ARHGAP5: variants seen among roughly 807,000 people sequenced by gnomAD.
The protein encoded by ARHGAP5 is rho GTPase-activating protein 5.
In ARHGAP5, 23 loss-of-function variants were observed where a neutral mutation model predicts 116.6. The observed-to-expected ratio is 0.20, with a 90% confidence interval of 0.14 to 0.28. The LOEUF is 0.28. Ranked by LOEUF, ARHGAP5 falls within the 10% of genes least tolerant of loss-of-function variation. The pLI is 1.00. For missense variants in ARHGAP5, 1,405 were observed against 1,774.8 expected (o/e 0.79, Z 3.74); for synonymous variants, 574 against 602.0 (o/e 0.95, Z 0.68).
At position 32,094,362 on chromosome 14, in the gene ARHGAP5, C is replaced by G; in HGVS notation, c.3693C>G (p.Thr1231=). The change falls in exon 2 of 7, where the codon ACC becomes ACG. Residue 1231 remains threonine, a synonymous_variant. Transcript: ENST00000345122. ...ELDDKKMKKK[T]HKVKEDKKQK... ...ATGATAAGAAGATGAAGAAGAAAAC[C>G]CACAAAGTGAAAGAAGATAAAAAGG... is the stretch of plus-strand genomic sequence containing the variant. The G allele has an allele frequency of 1.9e-6, 3 of 1,577,382 alleles. No individual in the cohort carries two copies. The South Asian group carries it at 3.6e-5, about 19-fold the overall frequency.
intron 3 of ARHGAP5, among the ~76,000 whole-genome samples, chr14:32,122,413 A>C (rs184619945): frequency 6.6e-6 from 1 of 152,132 alleles, no homozygotes; most frequent in Non-Finnish European, 1.5e-5. Flanking sequence ...TTTGGATACA[A>C]ATTGTTTTCA....
chr14:32,092,162 C>T lies in ARHGAP5; in HGVS notation c.1493C>T (p.Ser498Phe), dbSNP rs1379687400. The T allele has an allele frequency of 6.2e-7, 1 of 1,613,526 alleles. No homozygotes were observed. The highest frequency in any genetic ancestry group is 8.5e-7 in the Non-Finnish European group (1 of 1,179,756). Residue 498 changes from serine (S) to phenylalanine (F), a missense_variant, in exon 2 of 7, where the codon TCT becomes TTT. By Grantham distance (155) the Ser-to-Phe change is radical. Transcript: ENST00000345122. This position sits in a 1 kb window ranked among gnomAD's most constrained non-coding sequence, Gnocchi z 4.1. Reference sequence around the variant, plus strand: ...TTTCAAGAAATGCTTTTTGAGCATTCTGAACTTTTTTATGATTTAGATCTT... The same window carrying T: ...TTTCAAGAAATGCTTTTTGAGCATTTTGAACTTTTTTATGATTTAGATCTT... ...EEFQEMLFEH[S>F]ELFYDLDLNA...
Position 32,157,242 on chromosome 14 carries a change from T to A in ARHGAP5, c.*2294T>A, listed in dbSNP as rs1881931029. 1 of 152,230 alleles carries A rather than the reference T, an allele frequency of 6.6e-6. No individual in the cohort carries two copies. 9.4% of individuals were successfully genotyped at this position (152,230 alleles called of 1,614,324 possible). A position where few individuals can be genotyped will look rare whatever the true frequency, so the allele number is the denominator to read the frequency against. ...AGTCTGTTACACTGAATTGATTGTG[T>A]TTGTTTTTGCCAAGGGTTTAGATAT... On this transcript the variant is annotated 3_prime_UTR_variant, in exon 7 of 7. Coordinates refer to ENST00000345122, the MANE Select transcript of ARHGAP5 (RefSeq NM_001030055.2).
chr14:32,078,805 T>C (rs534237641), intron 1 of ARHGAP5, among the ~76,000 whole-genome samples: 1 of 152,224 alleles, frequency 6.6e-6, no homozygotes, highest in East Asian at 1.9e-4. Context: ...TAATGTTTGG[T>C]TTAAAAATAC....
rs1265271947 is a variant in ARHGAP5 at position 32,155,796 on chromosome 14, T to C, written c.*848T>C. 6.6e-6 allele frequency: 1 copy of C among 152,568 alleles called. No individual in the cohort carries two copies. Among genetic ancestry groups the C allele is most frequent in the Non-Finnish European group, 1.5e-5 (1 of 67,992 alleles). The allele number at this position is 152,568 out of a possible 1,614,324, so 9.5% of individuals were successfully genotyped here. A position where few individuals can be genotyped will look rare whatever the true frequency, so the allele number is the denominator to read the frequency against. On this transcript the variant is annotated 3_prime_UTR_variant, in exon 7 of 7. Coordinates refer to ENST00000345122, the MANE Select transcript of ARHGAP5 (RefSeq NM_001030055.2). Reference sequence around the variant, plus strand: ...AATTTTTTCCCTCTTGGGGAACACATTTAGTATAGTGTAGAAAATACTTCC... The same window carrying C: ...AATTTTTTCCCTCTTGGGGAACACACTTAGTATAGTGTAGAAAATACTTCC...
intron 2 of ARHGAP5, among the ~76,000 whole-genome samples, chr14:32,101,937 C>A (rs371387498): frequency 3.9e-5 from 6 of 151,970 alleles, no homozygotes; most frequent in South Asian, 2.1e-4. Context: ...GAGCCAAGAT[C>A]GTGCCACTGC....
Position 32,093,869 on chromosome 14 carries a change from G to C in ARHGAP5, c.3200G>C (p.Gly1067Ala), listed in dbSNP as rs1279413632. 1 of 1,614,010 alleles carries C rather than the reference G, an allele frequency of 6.2e-7. No homozygotes were observed. The highest frequency in any genetic ancestry group is 1.1e-5 in the South Asian group (1 of 91,048). Residue 1067 changes from glycine (G) to alanine (A), a missense_variant, in exon 2 of 7, where the codon GGT (glycine) becomes GCT (alanine). By Grantham distance (60) the Gly-to-Ala change is moderately conservative. Coordinates refer to ENST00000345122, the MANE Select transcript of ARHGAP5 (RefSeq NM_001030055.2). The part of the protein sequence containing the change: ...NLLKTIEAGI[G>A]KNPRKQTSRV... ...TTAAAAACAATTGAAGCTGGTATTG[G>C]TAAAAATCCAAGAAAGCAGACTTCC... is the stretch of plus-strand genomic sequence containing the variant.
In ARHGAP5 at chr14:32,081,606, A is replaced by T. The variant is rs180770018; in HGVS notation, c.-169+4171A>T. 4.4e-4 allele frequency among the ~76,000 whole-genome samples: 67 copies of T among 150,884 alleles called. 1 individual carries two copies. The highest frequency in any genetic ancestry group is 7.1e-4 in the Non-Finnish European group (48 of 67,634). ...GCATCAGTTTTGTACCTTATGAGCC[A>T]GAGTGAAAGATTTGGAGAAGGTATT... is the stretch of plus-strand genomic sequence containing the variant. On this transcript the variant is annotated intron_variant, in intron 1 of 6. Transcript: ENST00000345122.
chr14:32,106,472 C>T (rs1194629418), intron 2 of ARHGAP5, among the ~76,000 whole-genome samples: 2 of 152,168 alleles, frequency 1.3e-5, no homozygotes, highest in Non-Finnish European at 2.9e-5. Flanking sequence ...CCAGTTTCTC[C>T]ACATCCTCAC....
chr14:32,134,276 G>A (rs561508498), intron 3 of ARHGAP5, among the ~76,000 whole-genome samples: 39 of 152,156 alleles, frequency 2.6e-4, no homozygotes, highest in African/African-American at 8.7e-4. Flanking sequence ...TGACTAGAAA[G>A]TAGTGACACA....
At chr14:32,122,240 A>G (rs552703876) in intron 3 of ARHGAP5, among the ~76,000 whole-genome samples, 1 of 152,210 alleles carries the variant, frequency 6.6e-6, no homozygotes, top group African/African-American at 2.4e-5. Flanking sequence ...ATCTCATATG[A>G]TTTTGATTTG....
At chr14:32,121,814 T>A (rs530595562) in intron 3 of ARHGAP5, among the ~76,000 whole-genome samples, 204 of 152,330 alleles carry the variant, frequency 1.3e-3, no homozygotes, top group African/African-American at 4.6e-3. Context: ...TTCCTGGATA[T>A]TTCATATAAA....
intron 3 of ARHGAP5, among the ~76,000 whole-genome samples, chr14:32,138,092 A>G (rs1880906020): frequency 6.6e-6 from 1 of 151,750 alleles, no homozygotes; most frequent in Admixed American, 6.6e-5. Context: ...CAAGTGTTGT[A>G]CCTTCTTGGT....
At chr14:32,097,282 A>G (rs1594351401) in intron 2 of ARHGAP5, among the ~76,000 whole-genome samples, 1 of 152,308 alleles carries the variant, frequency 6.6e-6, no homozygotes, top group East Asian at 1.9e-4. Flanking sequence ...GTAAAAGGAA[A>G]ATCATATCCA....
intron 3 of ARHGAP5, among the ~76,000 whole-genome samples, chr14:32,132,259 T>C (rs1880542664): frequency 6.6e-6 from 1 of 152,206 alleles, no homozygotes; most frequent in Non-Finnish European, 1.5e-5. Context: ...GTTTCCTGAC[T>C]TTTTAATGAT....
intron 1 of ARHGAP5, among the ~76,000 whole-genome samples, chr14:32,089,868 A>G (rs542219880): frequency 6.6e-6 from 1 of 151,904 alleles, no homozygotes; most frequent in Non-Finnish European, 1.5e-5. Flanking sequence ...ATCTATGTAA[A>G]TGCTATCATT....
chr14:32,100,194 A>G (rs905718020), intron 2 of ARHGAP5, among the ~76,000 whole-genome samples: 1 of 152,224 alleles, frequency 6.6e-6, no homozygotes, highest in Non-Finnish European at 1.5e-5. Flanking sequence ...TAACAATACA[A>G]TAACAAAAAT....
chr14:32,149,510 C>T (rs937250371), intron 4 of ARHGAP5, among the ~76,000 whole-genome samples: 5 of 152,102 alleles, frequency 3.3e-5, no homozygotes, highest in African/African-American at 1.2e-4. Flanking sequence ...TGGCTCATGC[C>T]TGTAATTTCA....
chr14:32,077,568 G>T, intron 1 of ARHGAP5, 133 bp downstream of exon 1: 2 of 553,376 alleles, frequency 3.6e-6, no homozygotes, highest in Non-Finnish European at 6.4e-6. Flanking sequence ...CCCCGCGGCC[G>T]CCGAGGGGAG....
Sources: allele counts gnomAD v4.1 joint callset (sites outside exome capture counted in the v4.1 genomes callset), GRCh38; gene constraint gnomAD v4.1.1; non-coding constraint Gnocchi (gnomAD v3.1); transcripts MANE v1.5; gene names NCBI Gene and HGNC (gene_info 2026-07-23, HGNC 2026-07-21).